RBFOX1: variants seen among roughly 807,000 people sequenced by gnomAD.
The protein encoded by RBFOX1 is RNA binding protein fox-1 homolog 1.
In RBFOX1, 8 loss-of-function variants were observed where a neutral mutation model predicts 57.7. That is an observed-to-expected ratio of 0.14 (90% CI 0.08 to 0.25). The LOEUF (loss-of-function observed/expected upper bound fraction) is 0.25, where lower values mean the gene tolerates loss of function less well. Ranked by LOEUF, RBFOX1 falls within the 10% of genes least tolerant of loss-of-function variation. RBFOX1 has a pLI of 1.00. For synonymous variants in RBFOX1, 326 were observed against 222.4 expected (o/e 1.47, Z -4.15); for missense variants, 611 against 548.5 (o/e 1.11, Z -1.14).
At position 7,320,130 on chromosome 16, in the gene RBFOX1, T is replaced by C. The variant is rs552974684; in HGVS notation, c.28-198017T>C. Among the ~76,000 whole-genome samples, 5 of 152,306 alleles carry C rather than the reference T, an allele frequency of 3.3e-5. No individual in the cohort carries two copies. The East Asian group carries it at 9.6e-4, about 29-fold the overall frequency. On this transcript the variant is annotated intron_variant, in intron 4 of 15. Transcript: ENST00000550418. ...GTGCAGGATGTGCAGGTTTATCACA[T>C]AGGTAAACGTGTGCCATGGTGGTTG...
intron 3 of RBFOX1, among the ~76,000 whole-genome samples, chr16:6,889,171 T>C (rs971222591): frequency 2.6e-5 from 4 of 152,212 alleles, no homozygotes; most frequent in African/African-American, 9.6e-5. Flanking sequence ...ATCCCATTGT[T>C]ACTGAAAATA....
At chr16:6,024,259 G>A (rs2095142425) in intron 1 of RBFOX1, among the ~76,000 whole-genome samples, 1 of 152,154 alleles carries the variant, frequency 6.6e-6, no homozygotes, top group African/African-American at 2.4e-5. Flanking sequence ...GAATAAGGCA[G>A]ACGAGAACTT....
chr16:5,649,323 C>T (rs749077511), intron 3 of RBFOX1, among the ~76,000 whole-genome samples: 2 of 152,048 alleles, frequency 1.3e-5, no homozygotes, highest in African/African-American at 4.8e-5. Context: ...GCATGCGCCA[C>T]TATGCCTGGC....
intron 3 of RBFOX1, among the ~76,000 whole-genome samples, chr16:6,803,456 G>A (rs2085974653): frequency 6.6e-6 from 1 of 152,118 alleles, no homozygotes; most frequent in African/African-American, 2.4e-5. Context: ...ACAAACATTT[G>A]TTATTACTTT....
intron 1 of RBFOX1, among the ~76,000 whole-genome samples, chr16:6,288,944 C>T (rs973639708): frequency 6.6e-6 from 1 of 152,098 alleles, no homozygotes; most frequent in Non-Finnish European, 1.5e-5. Flanking sequence ...CTGTCACCCC[C>T]AGGAGGGTAT....
intron 2 of RBFOX1, among the ~76,000 whole-genome samples, chr16:6,409,581 T>A (rs1391745223): frequency 1.3e-5 from 2 of 152,218 alleles, no homozygotes; most frequent in South Asian, 2.1e-4. Context: ...GGGATTTTTT[T>A]AAGCTAAGAC....
At chr16:7,173,734 T>G (rs1281036988) in intron 4 of RBFOX1, among the ~76,000 whole-genome samples, 1 of 152,200 alleles carries the variant, frequency 6.6e-6, no homozygotes, top group African/African-American at 2.4e-5. Flanking sequence ...AGAAACTAAT[T>G]CCATAGGCCC....
intron 1 of RBFOX1, among the ~76,000 whole-genome samples, chr16:6,240,432 G>A (rs553029077): frequency 6.6e-6 from 1 of 152,204 alleles, no homozygotes; most frequent in South Asian, 2.1e-4. Context: ...CTCCAGATTA[G>A]TTGATGCATG....
chr16:5,497,489 T>C (rs2043039238), intron 2 of RBFOX1, among the ~76,000 whole-genome samples: 1 of 152,040 alleles, frequency 6.6e-6, no homozygotes, highest in South Asian at 2.1e-4. Flanking sequence ...AGCTTACAGC[T>C]TCTGGCCAGG....
intron 4 of RBFOX1, among the ~76,000 whole-genome samples, chr16:7,193,210 G>C (rs1224655807): frequency 2.0e-5 from 3 of 152,212 alleles, no homozygotes; most frequent in Non-Finnish European, 4.4e-5. Context: ...GCAGAAGAGA[G>C]AGAGTATCAG....
At chr16:5,806,694 C>G (rs1322357619) in intron 3 of RBFOX1, among the ~76,000 whole-genome samples, 1 of 152,222 alleles carries the variant, frequency 6.6e-6, no homozygotes, top group African/African-American at 2.4e-5. Flanking sequence ...TTGCCAGGGA[C>G]TGTCATCAGT....
chr16:7,000,588 TTTTCTTTC>T (rs1240535732), intron 3 of RBFOX1, among the ~76,000 whole-genome samples: 2 of 110,572 alleles, frequency 1.8e-5, no homozygotes, highest in African/African-American at 7.2e-5. Flanking sequence ...TTTTCTTTCT[TTTTCTTTC>T]TTTTTTTTTT....
intron 1 of RBFOX1, among the ~76,000 whole-genome samples, chr16:5,339,896 C>G (rs2064997104): frequency 6.6e-6 from 1 of 152,072 alleles, no homozygotes; most frequent in Admixed American, 6.5e-5. Flanking sequence ...CTGCAGAGGT[C>G]ATGGGAGGCC....
At chr16:5,664,228 G>A (rs1292735737) in intron 3 of RBFOX1, among the ~76,000 whole-genome samples, 1 of 152,182 alleles carries the variant, frequency 6.6e-6, no homozygotes, top group Non-Finnish European at 1.5e-5. Flanking sequence ...GCCAAGCTGT[G>A]CAACGGAGTC....
intron 3 of RBFOX1, among the ~76,000 whole-genome samples, chr16:5,765,877 GA>G (rs1380985719): frequency 7.2e-5 from 11 of 152,172 alleles, no homozygotes; most frequent in African/African-American, 2.4e-4. Flanking sequence ...GTCTCCCGTG[GA>G]AAAGACAACC....
At chr16:6,788,840 C>T (rs540595278) in intron 3 of RBFOX1, among the ~76,000 whole-genome samples, 19 of 152,194 alleles carry the variant, frequency 1.2e-4, no homozygotes, top group Admixed American at 9.8e-4. Context: ...ATCTTATGTC[C>T]TAAAATGGCA....
intron 3 of RBFOX1, among the ~76,000 whole-genome samples, chr16:6,998,954 C>A (rs145667072): frequency 6.6e-6 from 1 of 151,080 alleles, no homozygotes; most frequent in Non-Finnish European, 1.5e-5. Flanking sequence ...CTGTAACCTC[C>A]GCCTCCCAGG....
At chr16:5,267,924 C>T (rs766476718) in intron 1 of RBFOX1, among the ~76,000 whole-genome samples, 7 of 152,174 alleles carry the variant, frequency 4.6e-5, no homozygotes, top group Non-Finnish European at 8.8e-5. Context: ...ACTAAAAATA[C>T]AAAAATTAGC....
intron 1 of RBFOX1, among the ~76,000 whole-genome samples, chr16:6,165,517 A>G (rs2096910737): frequency 6.6e-6 from 1 of 152,200 alleles, no homozygotes; most frequent in African/African-American, 2.4e-5. Context: ...CCTAATAAAG[A>G]TAACACGTTT....
Sources: gnomAD v4.1 joint callset for allele counts (sites outside exome capture counted in the v4.1 genomes callset) on GRCh38, gnomAD v4.1.1 for gene constraint, MANE v1.5 for transcripts, NCBI Gene and HGNC (gene_info 2026-07-23, HGNC 2026-07-21) for gene names.